Variants in NOTCH3 observed in about 807,000 individuals in gnomAD.
NOTCH3 encodes notch receptor 3, also known as neurogenic locus notch homolog protein 3.
NOTCH3 carries 86 observed loss-of-function variants against 213.3 expected under a neutral mutation model. The ratio of observed to expected loss-of-function variants is 0.40; its 90% CI spans 0.34 to 0.48. The LOEUF is 0.48. Ranked by LOEUF, NOTCH3 falls within the 20% of genes least tolerant of loss-of-function variation. The pLI is 0.57. For synonymous variants in NOTCH3, 1,354 were observed against 1,355.9 expected, an observed-to-expected ratio of 1.00 and a Z score of 0.03; for missense variants, 2,783 against 3,272.6, an observed-to-expected ratio of 0.85 and a Z score of 3.65.
intron 28 of NOTCH3, among the ~76,000 whole-genome samples, chr19:15,168,949 T>C (rs1189055571): frequency 6.6e-6 from 1 of 152,162 alleles, no homozygotes; most frequent in Non-Finnish European, 1.5e-5. Flanking sequence ...GGTCTTGCTC[T>C]GTTACCCAGG....
chr19:15,171,604 C>T (rs1232051351), intron 25 of NOTCH3, among the ~76,000 whole-genome samples: 1 of 152,044 alleles, frequency 6.6e-6, no homozygotes, highest in Non-Finnish European at 1.5e-5. Flanking sequence ...CTCAAGCAAT[C>T]CTCCCACCTC....
chr19:15,178,485 A>G (rs2046811097), intron 23 of NOTCH3: 1 of 447,830 alleles, frequency 2.2e-6, no homozygotes, highest in South Asian at 2.2e-5. Context: ...CCCGGGTTCA[A>G]GTGATTCTCC....
Position 15,180,820 on chromosome 19 carries a change from C to G in NOTCH3, c.3003G>C (p.Val1001=), listed in dbSNP as rs965399752. ...GACAAGGCTGGCGGCTGCACCAATC[C>G]ACCAGCGTCTGGAGGGGAAGCACTC... ...SFTGPQCQTL[V]DWCSRQPCQN... is the part of the protein sequence containing the mutation. The change falls in exon 19 of 33, where the codon GTG becomes GTC. Residue 1001 remains valine (V), a synonymous_variant. Coordinates refer to ENST00000263388, the MANE Select transcript of NOTCH3 (RefSeq NM_000435.3). The G allele has an allele frequency of 6.2e-7, 1 of 1,612,300 alleles. No homozygotes were observed. Among genetic ancestry groups the G allele is most frequent in the African/African-American group, 1.3e-5 (1 of 75,044 alleles).
intron 2 of NOTCH3, 59 bp downstream of exon 2, chr19:15,197,441 G>GGGGCCCCCCCCCCCCCCCCCCC: frequency 1.3e-6 from 1 of 768,364 alleles, no homozygotes; most frequent in Non-Finnish European, 2.3e-6. Context: ...AAGACAAATC[G>GGGGCCCCCCCCCCCCCCCCCCC]CCCCTCCCCC....
Position 15,178,012 on chromosome 19 carries a change from G to T in NOTCH3, c.3916C>A (p.Gln1306Lys). The T allele has an allele frequency of 6.8e-7, 1 of 1,480,092 alleles. No individual in the cohort carries two copies. The highest frequency in any genetic ancestry group is 8.9e-7 in the Non-Finnish European group (1 of 1,119,336). The allele number at this position is 1,480,092 out of a possible 1,614,324, so 91.7% of individuals were successfully genotyped here. Residue 1306 changes from glutamine to lysine, a missense_variant, in exon 24 of 33, where the codon CAG becomes AAG. By Grantham distance (53) the Gln-to-Lys change is moderately conservative. Coordinates refer to ENST00000263388, the MANE Select transcript of NOTCH3 (RefSeq NM_000435.3). ...LQCPVGVPCQ[Q>K]TPRGPRCACP... ...GCGCAGCGCGGCCCGCGGGGCGTCTGCTGGCATGGGACGCCCACCGGGCAC... is the reference window on the plus strand; with the variant it reads ...GCGCAGCGCGGCCCGCGGGGCGTCTTCTGGCATGGGACGCCCACCGGGCAC...
rs1395270724 is a variant in NOTCH3 at position 15,176,481 on chromosome 19, C to T, written c.4403+1044G>A. Reference sequence around the variant, plus strand: ...CCGGCCAATAAAAGGAATTTTTAGGCTAGATGTGGTGGCTCAGGCCCACAA... The same window carrying T: ...CCGGCCAATAAAAGGAATTTTTAGGTTAGATGTGGTGGCTCAGGCCCACAA... On this transcript the variant is annotated intron_variant, in intron 24 of 32. Transcript: ENST00000263388. Among the ~76,000 whole-genome samples the T allele has an allele frequency of 4.6e-5, 7 of 152,006 alleles. No homozygotes were observed. The East Asian group carries it at 1.4e-3, about 29-fold the overall frequency.
chr19:15,183,772 C>T (rs901285193), intron 16 of NOTCH3, among the ~76,000 whole-genome samples: 11 of 152,022 alleles, frequency 7.2e-5, no homozygotes, highest in African/African-American at 2.7e-4. Flanking sequence ...GCACTTAGGT[C>T]GGGTGTGGTT....
chr19:15,166,498 G>A (rs7249525), intron 29 of NOTCH3, among the ~76,000 whole-genome samples: 136,953 of 151,900 alleles, frequency 0.9, 62,057 homozygotes, highest in African/African-American at 0.98. Context: ...TCATTTGAGT[G>A]TTTTAAAAGG....
At chr19:15,177,444 T>G in intron 24 of NOTCH3, 81 bp downstream of exon 24, 1 of 1,312,866 alleles carries the variant, frequency 7.6e-7, no homozygotes, top group Non-Finnish European at 1.1e-6. Flanking sequence ...GATGGGCAGG[T>G]GGAAAGAGAG....
intron 25 of NOTCH3, among the ~76,000 whole-genome samples, chr19:15,173,078 T>C (rs140522330): frequency 0.13 from 2,321 of 17,368 alleles, 718 homozygotes; most frequent in Non-Finnish European, 0.21. Context: ...CTTCTTCTTC[T>C]TCTTCTTCTT....
intron 12 of NOTCH3, 82 bp downstream of exon 12, chr19:15,186,796 G>C (rs2046885114): frequency 8.1e-6 from 9 of 1,117,426 alleles, no homozygotes; most frequent in African/African-American, 1.5e-5. Context: ...AGTCTGCAAA[G>C]ATACGGGCAA....
At chr19:15,200,519 TC>T (rs972830812) in intron 1 of NOTCH3, among the ~76,000 whole-genome samples, 1 of 151,876 alleles carries the variant, frequency 6.6e-6, no homozygotes, top group Non-Finnish European at 1.5e-5. Flanking sequence ...GAGTCCCTGA[TC>T]CCCGCACCTC....
At chr19:15,172,991 C>T (rs2046746808) in intron 25 of NOTCH3, among the ~76,000 whole-genome samples, 1 of 127,290 alleles carries the variant, frequency 7.9e-6, no homozygotes, top group East Asian at 2.4e-4. Flanking sequence ...CCTCCTCCTC[C>T]TCCCCCTCCC....
In NOTCH3 at chr19:15,170,491, C is replaced by T. The variant is rs776163085; in HGVS notation, c.4954G>A (p.Val1652Ile). The T allele has an allele frequency of 1.2e-6, 2 of 1,604,178 alleles. No homozygotes were observed. The highest frequency in any genetic ancestry group is 1.1e-5 in the South Asian group (1 of 90,922). The change falls in exon 27 of 33, where the codon GTC (valine) becomes ATC (isoleucine). Residue 1652 changes from valine (V) to isoleucine (I), a missense_variant. By Grantham distance (29) the Val-to-Ile change is conservative. This residue lies in a region of NOTCH3 where 636 missense variants were observed against 801.8 expected (regional missense o/e 0.79). Transcript: ENST00000263388. ...PLLPLLVAGA[V>I]LLLVILVLGV... Reference sequence around the variant, plus strand: ...AGGACGAGAATGACCAGCAGCAAGACAGCGCCCGCCACTAGCAGTGGCAGC... The same window carrying T: ...AGGACGAGAATGACCAGCAGCAAGATAGCGCCCGCCACTAGCAGTGGCAGC...
rs1297537098 is a variant in NOTCH3, at chr19:15,177,842, A to G, written c.4086T>C (p.Ala1362=). 8 of 1,219,702 alleles carry G rather than the reference A, an allele frequency of 6.6e-6. No homozygotes were observed. The East Asian group carries it at 2.4e-4, about 37-fold the overall frequency. 75.6% of individuals were successfully genotyped at this position (1,219,702 alleles called of 1,614,324 possible). The part of the protein sequence containing the change: ...PAPLAPFFRC[A]CAQGWTGPRC... ...GCGGCCCGGTCCAGCCCTGCGCGCA[A>G]GCGCAGCGGAAGAAGGGCGCGAGCG... The change falls in exon 24 of 33, where the codon GCT becomes GCC. Residue 1362 remains alanine (A), a synonymous_variant. Coordinates refer to ENST00000263388, the MANE Select transcript of NOTCH3 (RefSeq NM_000435.3).
rs1042026410 is a variant in NOTCH3 at position 15,181,724 on chromosome 19, G to C, written c.2644C>G (p.Pro882Ala). ...SCSCLPGFAGPRCARDVDECL... is the reference protein window; with the variant it reads ...SCSCLPGFAGARCARDVDECL... ...TCATCCACATCGCGGGCGCATCGTGGGCCGGCGAAACCAGGGAGGCAGGAG... is the reference window on the plus strand; with the variant it reads ...TCATCCACATCGCGGGCGCATCGTGCGCCGGCGAAACCAGGGAGGCAGGAG... Residue 882 changes from proline (P) to alanine (A), a missense_variant, in exon 17 of 33, where the codon CCA becomes GCA. Coordinates refer to ENST00000263388, the MANE Select transcript of NOTCH3 (RefSeq NM_000435.3). 1 of 1,571,882 alleles carries C rather than the reference G, an allele frequency of 6.4e-7. No homozygotes were observed. The highest frequency in any genetic ancestry group is 1.7e-4 in the Middle Eastern group (1 of 6,022).
intron 3 of NOTCH3, 34 bp downstream of exon 3, chr19:15,192,343 C>T (rs919769358): frequency 1.7e-5 from 28 of 1,612,568 alleles, no homozygotes; most frequent in Non-Finnish European, 2.2e-5. Context: ...ACCACACCCC[C>T]GACTACCTCC....
At chr19:15,170,645 A>G in intron 26 of NOTCH3, 26 bp downstream of exon 26, 1 of 765,888 alleles carries the variant, frequency 1.3e-6, no homozygotes, top group Non-Finnish European at 2.0e-6. Context: ...CGCCCCCGCC[A>G]CCCCCTCCCC....
rs2145434347 is a variant in NOTCH3, at chr19:15,187,945, C to T, written c.1542G>A (p.Thr514=). ...CGCATTTGGCGCCATTCCTGCAGGG[C>T]GTGCTGGCGCATTCGTCCACGTCCA... The part of the protein sequence containing the change: ...CQLDVDECAS[T]PCRNGAKCVD... Residue 514 remains threonine, a synonymous_variant, in exon 10 of 33, where the codon ACG becomes ACA. Transcript: ENST00000263388. The T allele has an allele frequency of 6.4e-7, 1 of 1,550,512 alleles. No individual in the cohort carries two copies. Among genetic ancestry groups the T allele is most frequent in the South Asian group, 1.2e-5 (1 of 84,014 alleles).
Sources: allele counts gnomAD v4.1 joint callset (sites outside exome capture counted in the v4.1 genomes callset), GRCh38; gene constraint gnomAD v4.1.1; regional missense constraint gnomAD v4.1.1; transcripts MANE v1.5; gene names NCBI Gene and HGNC (gene_info 2026-07-23, HGNC 2026-07-21).